CPD: variants seen among roughly 807,000 people sequenced by gnomAD.
CPD encodes the protein carboxypeptidase D, also known as metallocarboxypeptidase D.
CPD carries 69 observed loss-of-function variants against 138.3 expected under a neutral mutation model. That is an observed-to-expected ratio of 0.50 (90% confidence interval 0.41 to 0.61). The LOEUF is 0.61. CPD is among the 20% of genes least tolerant of loss of function. CPD has a pLI of 0.00. For synonymous variants in CPD, 651 were observed against 642.1 expected (o/e 1.01, Z -0.21); for missense variants, 1,432 against 1,733.3 (o/e 0.83, Z 3.09).
intron 17 of CPD, among the ~76,000 whole-genome samples, chr17:30,460,411 G>A (rs1331601361): frequency 6.6e-6 from 1 of 152,192 alleles, no homozygotes; most frequent in Non-Finnish European, 1.5e-5. Context: ...TTGGAGGAAG[G>A]AGAGACTGGT....
intron 2 of CPD, among the ~76,000 whole-genome samples, chr17:30,394,830 A>G (rs1911454813): frequency 6.6e-6 from 1 of 152,154 alleles, no homozygotes; most frequent in African/African-American, 2.4e-5. Context: ...CTTGGATTAG[A>G]AAGAATGGGA....
intron 10 of CPD, among the ~76,000 whole-genome samples, chr17:30,442,675 T>C (rs1444541209): frequency 1.3e-5 from 2 of 152,072 alleles, no homozygotes; most frequent in African/African-American, 4.8e-5. Context: ...TTGAAGAAAA[T>C]GATTGAACAA....
Position 30,379,054 on chromosome 17 carries a change from T to C in CPD, c.74T>C (p.Leu25Pro). ...RLLLLMCLLL[L>P]GSSARAAHIK... ...CTGTTGCTCATGTGCCTGCTGCTGCTGGGGAGCTCGGCCCGGGCGGCTCAC... is the reference window on the plus strand; with the variant it reads ...CTGTTGCTCATGTGCCTGCTGCTGCCGGGGAGCTCGGCCCGGGCGGCTCAC... The change falls in exon 1 of 21, where the codon CTG becomes CCG. Residue 25 changes from leucine (L) to proline (P), a missense_variant. By Grantham distance (98) the Leu-to-Pro change is moderately conservative. Coordinates refer to ENST00000225719, the MANE Select transcript of CPD (RefSeq NM_001304.5). This position sits in a 1 kb window ranked among gnomAD's most constrained non-coding sequence, Gnocchi z 7.0. 1 of 1,563,294 alleles carries C rather than the reference T, an allele frequency of 6.4e-7. No individual in the cohort carries two copies.
At chr17:30,386,655 T>G (rs1911197088) in intron 2 of CPD, among the ~76,000 whole-genome samples, 1 of 152,194 alleles carries the variant, frequency 6.6e-6, no homozygotes, top group Non-Finnish European at 1.5e-5. Flanking sequence ...CTACTTTCTA[T>G]CTCTGTGAAT....
chr17:30,412,906 A>G (rs1179774002), intron 2 of CPD, among the ~76,000 whole-genome samples: 2 of 152,088 alleles, frequency 1.3e-5, no homozygotes, highest in Non-Finnish European at 2.9e-5. Context: ...ACCAGTCCCA[A>G]TGAGATGAAC....
chr17:30,405,606 T>TAA (rs1911783084), intron 2 of CPD, among the ~76,000 whole-genome samples: 1 of 152,188 alleles, frequency 6.6e-6, no homozygotes, highest in Non-Finnish European at 1.5e-5. Flanking sequence ...ATGCTTTTGT[T>TAA]TCAGTTACTG....
chr17:30,402,750 A>G (rs1415481925), intron 2 of CPD, among the ~76,000 whole-genome samples: 1 of 152,176 alleles, frequency 6.6e-6, no homozygotes, highest in East Asian at 1.9e-4. Context: ...ATTTTGGATT[A>G]TATCCTGGAC....
rs533674856 is a variant in CPD, at chr17:30,466,268, A to G, written c.*1454A>G. The G allele has an allele frequency of 2.6e-5, 4 of 152,738 alleles. No homozygotes were observed. Among genetic ancestry groups the G allele is most frequent in the African/African-American group, 7.2e-5 (3 of 41,582 alleles). The allele number at this position is 152,738 out of a possible 1,614,324, so 9.5% of individuals were successfully genotyped here. On this transcript the variant is annotated 3_prime_UTR_variant, in exon 21 of 21. Transcript: ENST00000225719. ...TCAGGGGACCAAAAAACTTGCTCTT[A>G]TCTTCTCAAATTGTATTCTATATCC...
intron 12 of CPD, among the ~76,000 whole-genome samples, chr17:30,448,370 C>A (rs1597733896): frequency 6.6e-6 from 1 of 152,194 alleles, no homozygotes; most frequent in Non-Finnish European, 1.5e-5. Flanking sequence ...CTAAAACAAA[C>A]AAAAATTGGG....
At chr17:30,449,508 A>G in intron 12 of CPD, 45 bp from the exon 13 acceptor site, 1 of 1,488,202 alleles carries the variant, frequency 6.7e-7, no homozygotes, top group South Asian at 1.3e-5. Flanking sequence ...ACATTAACAT[A>G]GTGCTTGATT....
rs189004213 is a variant in CPD at position 30,464,128 on chromosome 17, C to T, written c.3917-460C>T. Among the ~76,000 whole-genome samples, 1,130 of 152,170 alleles carry T rather than the reference C, an allele frequency of 7.4e-3. 9 individuals carry two copies. Among genetic ancestry groups the T allele is most frequent in the Non-Finnish European group, 0.013 (863 of 67,984 alleles). On this transcript the variant is annotated intron_variant, in intron 20 of 20. Transcript: ENST00000225719. ...ATCTGGAGCCAGGCATGGTGGCTCA[C>T]GCCTGTAATACCAGCACTTTGGGAG...
chr17:30,390,420 T>C (rs572557566), intron 2 of CPD, among the ~76,000 whole-genome samples: 1 of 152,366 alleles, frequency 6.6e-6, no homozygotes, highest in South Asian at 2.1e-4. Context: ...TCCAACCCTT[T>C]TGTTTTAGAG....
At chr17:30,390,519 A>G (rs1477164895) in intron 2 of CPD, among the ~76,000 whole-genome samples, 2 of 152,178 alleles carry the variant, frequency 1.3e-5, no homozygotes, top group East Asian at 1.9e-4. Flanking sequence ...TGCCACATAT[A>G]CTGTATTAGG....
intron 10 of CPD, among the ~76,000 whole-genome samples, chr17:30,443,046 A>G (rs374056621): frequency 6.6e-6 from 1 of 152,062 alleles, no homozygotes; most frequent in African/African-American, 2.4e-5. Flanking sequence ...ATTCTGAAAA[A>G]TTTTAAATAT....
At chr17:30,431,213 C>G (rs1249409361) in intron 7 of CPD, among the ~76,000 whole-genome samples, 3 of 152,190 alleles carry the variant, frequency 2.0e-5, no homozygotes, top group African/African-American at 7.2e-5. Flanking sequence ...TCCACAATAA[C>G]TAATGATGCC....
intron 2 of CPD, among the ~76,000 whole-genome samples, chr17:30,401,447 TTCTTCTTCTTCTTCC>T (rs992357921): frequency 6.6e-6 from 1 of 151,340 alleles, no homozygotes; most frequent in Non-Finnish European, 1.5e-5. Flanking sequence ...CTTCCTCATC[TTCTTCTTCTTCTTCC>T]TCTTCTTCTT....
At chr17:30,421,005 G>T (rs1912252454) in intron 3 of CPD, 22 bp downstream of exon 3, 4 of 1,610,548 alleles carry the variant, frequency 2.5e-6, no homozygotes, top group Non-Finnish European at 3.4e-6. Context: ...TGACTGGAAT[G>T]TTGGGGTATA....
intron 2 of CPD, among the ~76,000 whole-genome samples, chr17:30,408,699 G>A (rs1391738454): frequency 6.6e-6 from 1 of 152,184 alleles, no homozygotes; most frequent in African/African-American, 2.4e-5. Context: ...AGCTTAAGGA[G>A]ATTTGGGGCT....
At chr17:30,458,945 G>A (rs888155044) in intron 17 of CPD, among the ~76,000 whole-genome samples, 3 of 151,298 alleles carry the variant, frequency 2.0e-5, no homozygotes, top group African/African-American at 7.3e-5. Flanking sequence ...ATTTTTTATG[G>A]TATGAAGTAG....
Sources: gnomAD v4.1 joint callset for allele counts (sites outside exome capture counted in the v4.1 genomes callset) on GRCh38, gnomAD v4.1.1 for gene constraint, Gnocchi (gnomAD v3.1) non-coding constraint, MANE v1.5 for transcripts, NCBI Gene and HGNC (gene_info 2026-07-23, HGNC 2026-07-21) for gene names.